Variants in MACC1 observed in about 807,000 individuals in gnomAD.
MACC1 encodes metastasis-associated in colon cancer protein 1.
In MACC1, 79 loss-of-function variants were observed where a neutral mutation model predicts 70.7. That is an observed-to-expected ratio of 1.12 (90% CI 0.93 to 1.35). MACC1 has a LOEUF of 1.35. Ranked by LOEUF, MACC1 falls within the 40% of genes most tolerant of loss-of-function variation. The pLI, the probability that MACC1 is intolerant of heterozygous loss-of-function variation, is 0.00. For missense variants in MACC1, 1,106 were observed against 978.1 expected, an observed-to-expected ratio of 1.13 and a Z score of -1.74; for synonymous variants, 361 against 347.2, an observed-to-expected ratio of 1.04 and a Z score of -0.44.
chr7:20,161,642 A>G (rs1782140159), intron 4 of MACC1, 106 bp downstream of exon 4: 3 of 676,428 alleles, frequency 4.4e-6, no homozygotes, highest in African/African-American at 3.6e-5. Context: ...AGATTTTATA[A>G]TTCTTTTCAT....
rs1033971563 is a variant in MACC1, at chr7:20,135,960, A to G, written c.*4986T>C. 3.3e-5 allele frequency: 5 copies of G among 152,272 alleles called. No individual in the cohort carries two copies. The highest frequency in any genetic ancestry group is 7.3e-5 in the Non-Finnish European group (5 of 68,044). The allele number at this position is 152,272 out of a possible 1,614,324, so 9.4% of individuals were successfully genotyped here. A position where few individuals can be genotyped will look rare whatever the true frequency, so the allele number is the denominator to read the frequency against. ...GTGCTAAATGTGCTATGCCTTACAC[A>G]TAGAGGACACAATTTTAATGTGGAT... On this transcript the variant is annotated 3_prime_UTR_variant, in exon 7 of 7. Coordinates refer to ENST00000400331, the MANE Select transcript of MACC1 (RefSeq NM_182762.4).
At chr7:20,210,444 C>T (rs911623360) in intron 1 of MACC1, among the ~76,000 whole-genome samples, 2 of 152,086 alleles carry the variant, frequency 1.3e-5, no homozygotes, top group African/African-American at 4.8e-5. Context: ...CGCACTATGA[C>T]CTCTTTCATC....
At position 20,174,792 on chromosome 7, in the gene MACC1, A is replaced by C. The variant is rs567252877; in HGVS notation, c.-217-4014T>G. 3.2e-4 allele frequency among the ~76,000 whole-genome samples: 48 copies of C among 152,240 alleles called. 3 individuals are homozygous for C. Among genetic ancestry groups the C allele is most frequent in the African/African-American group, 1.1e-3 (44 of 41,588 alleles). ...TATGACTATTCACGGTATCAACATT[A>C]ATTTAAATACTCTTTTCCCTTTGCC... On this transcript the variant is annotated intron_variant, in intron 1 of 6. Transcript: ENST00000400331.
At chr7:20,189,787 A>C (rs1782645686) in intron 1 of MACC1, among the ~76,000 whole-genome samples, 1 of 151,908 alleles carries the variant, frequency 6.6e-6, no homozygotes, top group Non-Finnish European at 1.5e-5. Context: ...ACACAGAGAG[A>C]GAAAAAAGAG....
In MACC1 at chr7:20,186,836, A is replaced by C. The variant is rs570608273; in HGVS notation, c.-217-16058T>G. Among the ~76,000 whole-genome samples, 5 of 152,332 alleles carry C rather than the reference A, an allele frequency of 3.3e-5. No individual in the cohort carries two copies. The South Asian group carries it at 1.0e-3, about 32-fold the overall frequency. On this transcript the variant is annotated intron_variant, in intron 1 of 6. Transcript: ENST00000400331. ...TTAATTATAAAACATCCTTCACTGG[A>C]ATATTACACAGTCATTAAAAATAAT...
At position 20,137,900 on chromosome 7, in the gene MACC1, C is replaced by A. The variant is rs1334829374; in HGVS notation, c.*3046G>T. ...GGGAGCAGTGGCTCATGCCTGTAATCCTAGCACTCTGGGAGGCCGAGGCAG... is the reference window on the plus strand; with the variant it reads ...GGGAGCAGTGGCTCATGCCTGTAATACTAGCACTCTGGGAGGCCGAGGCAG... On this transcript the variant is annotated 3_prime_UTR_variant, in exon 7 of 7. Coordinates refer to ENST00000400331, the MANE Select transcript of MACC1 (RefSeq NM_182762.4). 6.6e-6 allele frequency: 1 copy of A among 152,066 alleles called. No homozygotes were observed. Among genetic ancestry groups the A allele is most frequent in the Non-Finnish European group, 1.5e-5 (1 of 68,036 alleles). 9.4% of individuals were successfully genotyped at this position (152,066 alleles called of 1,614,324 possible).
At chr7:20,185,840 A>G (rs1405320538) in intron 1 of MACC1, among the ~76,000 whole-genome samples, 1 of 152,156 alleles carries the variant, frequency 6.6e-6, no homozygotes, top group Non-Finnish European at 1.5e-5. Flanking sequence ...AGGTAACATT[A>G]TTGTCTACAT....
At chr7:20,213,359 C>T (rs80131213) in intron 1 of MACC1, among the ~76,000 whole-genome samples, 1,673 of 152,328 alleles carry the variant, frequency 0.011, 29 homozygotes, top group African/African-American at 0.039. Flanking sequence ...TTGTGGAAGA[C>T]AGTCTGGCAA....
At chr7:20,153,639 G>A (rs190908381) in intron 6 of MACC1, 6 of 152,392 alleles carry the variant, frequency 3.9e-5, no homozygotes, top group Admixed American at 1.3e-4. Context: ...TGTACTAAGT[G>A]CTAACATTCT....
chr7:20,160,153 G>A lies in MACC1; in HGVS notation c.208C>T (p.Gln70Ter). ...ASKVANPFWN[Q>*]LSASNPFLDD... ...AAAAATGGGTTAGAAGCAGACAGTT[G>A]ATTCCAGAATGGATTTGCAACTTTG... Residue 70 changes from glutamine (Q) to a stop codon, truncating the protein, a stop_gained, in exon 5 of 7, where the codon CAA becomes TAA. Coordinates refer to ENST00000400331, the MANE Select transcript of MACC1 (RefSeq NM_182762.4). LOFTEE classifies it high-confidence loss of function. The A allele has an allele frequency of 6.2e-7, 1 of 1,612,712 alleles. No individual in the cohort carries two copies. Among genetic ancestry groups the A allele is most frequent in the Non-Finnish European group, 8.5e-7 (1 of 1,179,690 alleles).
chr7:20,216,979 T>C (rs1783080171), intron 1 of MACC1, among the ~76,000 whole-genome samples: 1 of 152,196 alleles, frequency 6.6e-6, no homozygotes, highest in Non-Finnish European at 1.5e-5. Flanking sequence ...ATTTCAGCCA[T>C]CTACATATTT....
At chr7:20,141,586 T>C (rs1253944304) in intron 6 of MACC1, among the ~76,000 whole-genome samples, 2 of 152,098 alleles carry the variant, frequency 1.3e-5, no homozygotes, top group Admixed American at 6.5e-5. Flanking sequence ...AGGAGAGAAA[T>C]AGTATATTTA....
intron 1 of MACC1, among the ~76,000 whole-genome samples, chr7:20,206,987 T>C (rs1782922454): frequency 6.6e-6 from 1 of 152,234 alleles, no homozygotes; most frequent in African/African-American, 2.4e-5. Flanking sequence ...ATTTGACTTC[T>C]TTTGTGCAGG....
chr7:20,139,985 T>C lies in MACC1; in HGVS notation c.*961A>G, dbSNP rs1781773636. The C allele has an allele frequency of 6.6e-6, 1 of 152,152 alleles. No homozygotes were observed. The allele number at this position is 152,152 out of a possible 1,614,324, so 9.4% of individuals were successfully genotyped here. A position where few individuals can be genotyped will look rare whatever the true frequency, so the allele number is the denominator to read the frequency against. ...GGTGGTGGTTTTTAATAACTCGTATTATTAAAAATCTCCAAGAGCTAAAGA... is the reference window on the plus strand; with the variant it reads ...GGTGGTGGTTTTTAATAACTCGTATCATTAAAAATCTCCAAGAGCTAAAGA... On this transcript the variant is annotated 3_prime_UTR_variant, in exon 7 of 7. Coordinates refer to ENST00000400331, the MANE Select transcript of MACC1 (RefSeq NM_182762.4).
At position 20,141,881 on chromosome 7, in the gene MACC1, G is replaced by A. The variant is rs1222662290; in HGVS notation, c.2347-723C>T. 3 of 151,908 alleles carry A rather than the reference G, an allele frequency of 2.0e-5. No homozygotes were observed. The East Asian group carries it at 5.8e-4, about 29-fold the overall frequency. The allele number at this position is 151,908 out of a possible 1,614,324, so 9.4% of individuals were successfully genotyped here. A position where few individuals can be genotyped will look rare whatever the true frequency, so the allele number is the denominator to read the frequency against. The stretch of plus-strand genomic sequence containing the variant: ...AATGGTAACCAAGGCAACCAGGCTA[G>A]AGGGAGAATAGAGACAAAGGCAGAC... On this transcript the variant is annotated intron_variant, in intron 6 of 6. Coordinates refer to ENST00000400331, the MANE Select transcript of MACC1 (RefSeq NM_182762.4).
At position 20,134,677 on chromosome 7, in the gene MACC1, C is replaced by G. The variant is rs1385269730; in HGVS notation, c.*6269G>C. ...AGATTTGATTTTTCAATGACTCACT[C>G]TATTTTCATGAACAAGTTAAATGCC... On this transcript the variant is annotated 3_prime_UTR_variant, in exon 7 of 7. Coordinates refer to ENST00000400331, the MANE Select transcript of MACC1 (RefSeq NM_182762.4). 1 of 152,164 alleles carries G rather than the reference C, an allele frequency of 6.6e-6. No individual in the cohort carries two copies. The highest frequency in any genetic ancestry group is 1.5e-5 in the Non-Finnish European group (1 of 68,028). 9.4% of individuals were successfully genotyped at this position (152,164 alleles called of 1,614,324 possible).
Position 20,136,261 on chromosome 7 carries a change from A to C in MACC1, c.*4685T>G, listed in dbSNP as rs763765811. On this transcript the variant is annotated 3_prime_UTR_variant, in exon 7 of 7. Coordinates refer to ENST00000400331, the MANE Select transcript of MACC1 (RefSeq NM_182762.4). The stretch of plus-strand genomic sequence containing the variant: ...CTCAACTCTTTGACTAGTGTCTTGT[A>C]GAGGAAGCCTTTCATGCTGTACTCA... 2.0e-5 allele frequency: 3 copies of C among 152,226 alleles called. No individual in the cohort carries two copies. The highest frequency in any genetic ancestry group is 2.9e-5 in the Non-Finnish European group (2 of 68,054). 9.4% of individuals were successfully genotyped at this position (152,226 alleles called of 1,614,324 possible).
Position 20,139,157 on chromosome 7 carries a change from C to A in MACC1, c.*1789G>T, listed in dbSNP as rs1781761183. 1 of 152,168 alleles carries A rather than the reference C, an allele frequency of 6.6e-6. No homozygotes were observed. Among genetic ancestry groups the A allele is most frequent in the Non-Finnish European group, 1.5e-5 (1 of 68,026 alleles). 9.4% of individuals were successfully genotyped at this position (152,168 alleles called of 1,614,324 possible). Reference sequence around the variant, plus strand: ...ACATTTCTTTGAGGCTGTGTGTTTTCTTTCTAAATTCTAGCAGCCTTAATG... The same window carrying A: ...ACATTTCTTTGAGGCTGTGTGTTTTATTTCTAAATTCTAGCAGCCTTAATG... On this transcript the variant is annotated 3_prime_UTR_variant, in exon 7 of 7. Coordinates refer to ENST00000400331, the MANE Select transcript of MACC1 (RefSeq NM_182762.4).
intron 6 of MACC1, among the ~76,000 whole-genome samples, chr7:20,148,637 G>A (rs562058323): frequency 2.0e-5 from 3 of 152,152 alleles, no homozygotes; most frequent in Non-Finnish European, 4.4e-5. Flanking sequence ...GGAATACAAT[G>A]TGTTACCCCA....
Sources: allele counts gnomAD v4.1 joint callset (sites outside exome capture counted in the v4.1 genomes callset), GRCh38; gene constraint gnomAD v4.1.1; transcripts MANE v1.5; gene names NCBI Gene and HGNC (gene_info 2026-07-23, HGNC 2026-07-21).